POLN: variants seen among roughly 807,000 people sequenced by gnomAD.
The protein encoded by POLN is DNA polymerase nu.
A neutral mutation model predicts 113.5 loss-of-function variants in POLN; 108 were observed. The ratio of observed to expected loss-of-function variants is 0.95; its 90% CI spans 0.81 to 1.12. The LOEUF (loss-of-function observed/expected upper bound fraction) is 1.12, where lower values mean the gene tolerates loss of function less well. Ranked by LOEUF, POLN falls within the 50% of genes most tolerant of loss-of-function variation. POLN has a pLI of 0.00. For missense variants in POLN, 1,097 were observed against 1,077.1 expected, an observed-to-expected ratio of 1.02 and a Z score of -0.26; for synonymous variants, 386 against 391.5, an observed-to-expected ratio of 0.99 and a Z score of 0.17.
chr4:2,072,199 G>T lies in POLN; in HGVS notation c.2618C>A (p.Ser873Tyr). ...AGGGGCAGCCAGGCTGTTGCTGGGA[G>T]ACTCAGTGCGACATGGGCCTGGCGG... is the stretch of plus-strand genomic sequence containing the variant. ...GPPPGPCRTE[S>Y]PSNSLAAPGS... Residue 873 changes from serine (S) to tyrosine (Y), a missense_variant, in exon 26 of 26, where the codon TCT becomes TAT. Physicochemically the swap from Ser to Tyr is moderately radical, Grantham distance 144. Coordinates refer to ENST00000511885, the MANE Select transcript of POLN (RefSeq NM_181808.4). 1 of 1,610,442 alleles carries T rather than the reference G, an allele frequency of 6.2e-7. No homozygotes were observed. Among genetic ancestry groups the T allele is most frequent in the Non-Finnish European group, 8.5e-7 (1 of 1,178,164 alleles).
At chr4:2,204,649 A>G (rs1733801654) in intron 5 of POLN, among the ~76,000 whole-genome samples, 1 of 152,220 alleles carries the variant, frequency 6.6e-6, no homozygotes, top group Non-Finnish European at 1.5e-5. Context: ...AGAGAAAACT[A>G]CAGACCAATA....
chr4:2,236,787 C>T (rs1203413351), intron 2 of POLN, among the ~76,000 whole-genome samples: 2 of 151,642 alleles, frequency 1.3e-5, no homozygotes, highest in South Asian at 2.1e-4. Flanking sequence ...TGCTTGAACT[C>T]GGGAGGCAGA....
At chr4:2,089,567 C>T in intron 20 of POLN, 1 of 1,105,208 alleles carries the variant, frequency 9.0e-7, no homozygotes, top group African/African-American at 1.6e-5. Flanking sequence ...ACTAAAGAAA[C>T]ACTTCCAACT....
At chr4:2,218,868 G>C (rs1346327577) in intron 3 of POLN, among the ~76,000 whole-genome samples, 2 of 152,152 alleles carry the variant, frequency 1.3e-5, no homozygotes, top group African/African-American at 4.8e-5. Context: ...TATTCTCCAG[G>C]ATCTGACTTC....
chr4:2,104,830 A>G (rs1731012932), intron 19 of POLN, among the ~76,000 whole-genome samples: 1 of 152,196 alleles, frequency 6.6e-6, no homozygotes, highest in Non-Finnish European at 1.5e-5. Context: ...AGAGCTGTCC[A>G]CTTCTCAGTG....
intron 13 of POLN, among the ~76,000 whole-genome samples, chr4:2,165,257 A>C (rs1192781084): frequency 6.6e-6 from 1 of 152,236 alleles, no homozygotes; most frequent in Non-Finnish European, 1.5e-5. Context: ...AAAAGAAATG[A>C]ACTATCAGGC....
intron 3 of POLN, among the ~76,000 whole-genome samples, chr4:2,217,838 T>A (rs1197509827): frequency 2.0e-5 from 3 of 152,324 alleles, no homozygotes; most frequent in Non-Finnish European, 4.4e-5. Flanking sequence ...TCTTACAGGA[T>A]GCTTTCCTAT....
intron 3 of POLN, among the ~76,000 whole-genome samples, chr4:2,224,039 T>C (rs1218064700): frequency 6.6e-6 from 1 of 152,256 alleles, no homozygotes; most frequent in Non-Finnish European, 1.5e-5. Flanking sequence ...TTTTTAAACT[T>C]TTGAACTCTT....
intron 20 of POLN, among the ~76,000 whole-genome samples, 189 bp from the exon 21 acceptor site, chr4:2,085,933 T>C (rs1730539607): frequency 6.6e-6 from 1 of 152,174 alleles, no homozygotes; most frequent in Admixed American, 6.5e-5. Flanking sequence ...AAACATGTAT[T>C]TATTCAGTGA....
intron 16 of POLN, among the ~76,000 whole-genome samples, chr4:2,148,666 C>A (rs376735691): frequency 2.4e-5 from 1 of 40,882 alleles, no homozygotes; most frequent in African/African-American, 5.3e-5. Context: ...GACTCTGTCC[C>A]CCCCCCAAAA....
Position 2,193,266 on chromosome 4 carries a change from T to C in POLN, c.959A>G (p.Asn320Ser), listed in dbSNP as rs946580147. ...MKCKCPVICF[N>S]AKDFVRIVLQ... ...CACTATTCTCACAAAATCCTTAGCA[T>C]TAAAACAAATAACAGGACATTTACA... Residue 320 changes from asparagine (N) to serine (S), a missense_variant, in exon 7 of 26, where the codon AAT becomes AGT. By Grantham distance (46) the Asn-to-Ser change is conservative. Transcript: ENST00000511885. 2 of 1,610,768 alleles carry C rather than the reference T, an allele frequency of 1.2e-6. No homozygotes were observed. Among genetic ancestry groups the C allele is most frequent in the Non-Finnish European group, 1.7e-6 (2 of 1,178,656 alleles).
rs765323879 is a variant in POLN at position 2,072,936 on chromosome 4, G to A, written c.2517+32C>T. Reference sequence around the variant, plus strand: ...CTGGCCTCCCCTCACCCTGGGCTCCGGAAGACCGGGCAGGCTTAAGTGTCC... The same window carrying A: ...CTGGCCTCCCCTCACCCTGGGCTCCAGAAGACCGGGCAGGCTTAAGTGTCC... On this transcript the variant is annotated intron_variant, in intron 25 of 25. Transcript: ENST00000511885. 58 of 1,609,694 alleles carry A rather than the reference G, an allele frequency of 3.6e-5. 1 individual carries two copies. The Admixed American group carries it at 7.7e-4, about 21-fold the overall frequency.
chr4:2,083,336 C>G (rs1377898811), intron 21 of POLN, among the ~76,000 whole-genome samples: 1 of 152,224 alleles, frequency 6.6e-6, no homozygotes, highest in African/African-American at 2.4e-5. Context: ...CCCCTCCACA[C>G]GTGGGCTGTG....
intron 7 of POLN, among the ~76,000 whole-genome samples, chr4:2,183,373 A>G (rs1239502827): frequency 6.6e-6 from 1 of 152,262 alleles, no homozygotes; most frequent in Non-Finnish European, 1.5e-5. Flanking sequence ...AGCATTAATC[A>G]TAACAGCTAA....
intron 21 of POLN, among the ~76,000 whole-genome samples, chr4:2,084,802 G>C (rs1730510655): frequency 6.6e-6 from 1 of 152,232 alleles, no homozygotes; most frequent in Admixed American, 6.5e-5. Flanking sequence ...CTCACTCCCA[G>C]TGAGTGCTGA....
At chr4:2,092,403 G>A (rs202061717) in intron 20 of POLN, among the ~76,000 whole-genome samples, 7 of 152,240 alleles carry the variant, frequency 4.6e-5, no homozygotes, top group Admixed American at 2.0e-4. Flanking sequence ...GCAGCTGTGC[G>A]CAGGGCCGTC....
At position 2,075,544 on chromosome 4, in the gene POLN, C is replaced by T. The variant is rs747520198; in HGVS notation, c.2388-25G>A. On this transcript the variant is annotated intron_variant, in intron 23 of 25. Coordinates refer to ENST00000511885, the MANE Select transcript of POLN (RefSeq NM_181808.4). ...CCTGGCAGGGAGGGAAGGAGTCACC[C>T]TGGGAGGCCAGGACTGTGGGGCGTG... The T allele has an allele frequency of 2.5e-6, 4 of 1,612,016 alleles. No individual in the cohort carries two copies. The Admixed American group carries it at 5.0e-5, about 20-fold the overall frequency.
At chr4:2,164,908 C>G (rs1423160427) in intron 13 of POLN, among the ~76,000 whole-genome samples, 1 of 146,004 alleles carries the variant, frequency 6.8e-6, no homozygotes, top group South Asian at 2.2e-4. Context: ...ACCAACACCA[C>G]CAAGTGCTGG....
Position 2,223,354 on chromosome 4 carries a change from G to C in POLN, c.133+5745C>G, listed in dbSNP as rs143200022. Among the ~76,000 whole-genome samples, 685 of 152,228 alleles carry C rather than the reference G, an allele frequency of 4.5e-3. 1 individual carries two copies. Among genetic ancestry groups the C allele is most frequent in the Non-Finnish European group, 6.7e-3 (453 of 68,014 alleles). ...GAGTGAGCATTCCCACCTGAGTTCC[G>C]CCTCCTGTCAGATAGGCAGCAGCAT... is the stretch of plus-strand genomic sequence containing the variant. On this transcript the variant is annotated intron_variant, in intron 3 of 25. Coordinates refer to ENST00000511885, the MANE Select transcript of POLN (RefSeq NM_181808.4).
Sources: gnomAD v4.1 joint callset for allele counts (sites outside exome capture counted in the v4.1 genomes callset) on GRCh38, gnomAD v4.1.1 for gene constraint, MANE v1.5 for transcripts, NCBI Gene and HGNC (gene_info 2026-07-23, HGNC 2026-07-21) for gene names.